The following DSCAM variants were observed in gnomAD, a reference collection of about 807,000 sequenced individuals.
DSCAM encodes the protein cell adhesion molecule DSCAM.
Under a neutral mutation model 217.7 loss-of-function variants are expected in DSCAM, and 47 were observed. That is an observed-to-expected ratio of 0.22 (90% CI 0.17 to 0.28). The LOEUF (loss-of-function observed/expected upper bound fraction) is 0.28. DSCAM is among the 10% of genes least tolerant of loss of function. The pLI, the probability that DSCAM is intolerant of heterozygous loss-of-function variation, is 1.00. For synonymous variants in DSCAM, 1,056 were observed against 1,015.3 expected (o/e 1.04, Z -0.76); for missense variants, 2,080 against 2,618.3 (o/e 0.79, Z 4.49).
intron 3 of DSCAM, among the ~76,000 whole-genome samples, chr21:40,613,912 A>G (rs565261648): frequency 6.6e-6 from 1 of 152,376 alleles, no homozygotes; most frequent in African/African-American, 2.4e-5. Context: ...TGGGATAATT[A>G]GAAAAGGAAT....
intron 32 of DSCAM, among the ~76,000 whole-genome samples, chr21:40,032,126 G>T (rs2088537503): frequency 1.3e-5 from 2 of 152,158 alleles, no homozygotes; most frequent in African/African-American, 4.8e-5. Context: ...CAGCTTCATG[G>T]CAGAACAAGG....
At position 40,480,151 on chromosome 21, in the gene DSCAM, C is replaced by T. The variant is rs76605536; in HGVS notation, c.509-110906G>A. Among the ~76,000 whole-genome samples the T allele has an allele frequency of 4.8e-3, 725 of 152,292 alleles. 7 individuals carry two copies. The highest frequency in any genetic ancestry group is 0.017 in the African/African-American group (687 of 41,562). ...GGTCAAACGCCATTTCTCTGGGAGTCCTTGTTCAAAGGCTGCTCCAGCCTC... is the reference window on the plus strand; with the variant it reads ...GGTCAAACGCCATTTCTCTGGGAGTTCTTGTTCAAAGGCTGCTCCAGCCTC... On this transcript the variant is annotated intron_variant, in intron 3 of 32. Coordinates refer to ENST00000400454, the MANE Select transcript of DSCAM (RefSeq NM_001389.5).
intron 3 of DSCAM, among the ~76,000 whole-genome samples, chr21:40,581,767 G>A (rs2837716): frequency 0.49 from 74,006 of 152,040 alleles, 18,298 homozygotes; most frequent in Admixed American, 0.56. Context: ...AAGGCATTGA[G>A]TTTGGTAATT....
chr21:40,565,187 G>A (rs532391122), intron 3 of DSCAM, among the ~76,000 whole-genome samples: 65 of 152,302 alleles, frequency 4.3e-4, no homozygotes, highest in Admixed American at 1.1e-3. Flanking sequence ...TGGCTACTGG[G>A]TGTCTATAGC....
intron 20 of DSCAM, among the ~76,000 whole-genome samples, chr21:40,120,914 G>C (rs988803902): frequency 6.6e-6 from 1 of 152,122 alleles, no homozygotes; most frequent in Non-Finnish European, 1.5e-5. Context: ...ATTTTAACAG[G>C]GTTCTTTCCC....
chr21:40,080,860 C>G (rs910678667), intron 24 of DSCAM, among the ~76,000 whole-genome samples: 8 of 152,208 alleles, frequency 5.3e-5, no homozygotes, highest in African/African-American at 1.9e-4. Context: ...ACTATTCTGA[C>G]AGTAACCTGG....
At chr21:40,838,650 A>C (rs1181682597) in intron 1 of DSCAM, among the ~76,000 whole-genome samples, 1 of 152,232 alleles carries the variant, frequency 6.6e-6, no homozygotes, top group Non-Finnish European at 1.5e-5. Context: ...CTGTTTCTTC[A>C]TTTTAATACT....
At chr21:40,366,890 C>T (rs566955836) in intron 4 of DSCAM, among the ~76,000 whole-genome samples, 2 of 152,198 alleles carry the variant, frequency 1.3e-5, no homozygotes, top group South Asian at 2.1e-4. Flanking sequence ...TAAGGCTGTG[C>T]GTGTTGTATT....
intron 3 of DSCAM, among the ~76,000 whole-genome samples, chr21:40,503,640 C>G (rs770254204): frequency 1.3e-5 from 2 of 152,172 alleles, no homozygotes; most frequent in Non-Finnish European, 2.9e-5. Flanking sequence ...CAAGAACTCT[C>G]AAACAAAAAT....
At chr21:40,356,109 G>A (rs1168797523) in intron 4 of DSCAM, among the ~76,000 whole-genome samples, 1 of 152,118 alleles carries the variant, frequency 6.6e-6, no homozygotes, top group Non-Finnish European at 1.5e-5. Context: ...ACATGGGAGT[G>A]CAGATATGTA....
intron 27 of DSCAM, among the ~76,000 whole-genome samples, chr21:40,067,415 A>C (rs2089222861): frequency 6.6e-6 from 1 of 152,164 alleles, no homozygotes; most frequent in Non-Finnish European, 1.5e-5. Context: ...CAGAACCCTA[A>C]AATGTTATCC....
At chr21:40,776,293 C>T (rs1312545337) in intron 1 of DSCAM, among the ~76,000 whole-genome samples, 1 of 151,988 alleles carries the variant, frequency 6.6e-6, no homozygotes, top group East Asian at 1.9e-4. Flanking sequence ...TTAGACTTTG[C>T]AAATTTTGAC....
intron 11 of DSCAM, among the ~76,000 whole-genome samples, chr21:40,202,113 G>A (rs916151496): frequency 2.6e-5 from 4 of 152,148 alleles, no homozygotes; most frequent in African/African-American, 9.7e-5. Flanking sequence ...ATACCCATGT[G>A]GCCTATGGAG....
At chr21:40,260,750 G>A (rs1375498297) in intron 11 of DSCAM, among the ~76,000 whole-genome samples, 4 of 152,164 alleles carry the variant, frequency 2.6e-5, no homozygotes, top group Non-Finnish European at 4.4e-5. Context: ...AGTGGCCCTT[G>A]ATGAAAGCAC....
intron 14 of DSCAM, among the ~76,000 whole-genome samples, chr21:40,185,481 G>A (rs1046228427): frequency 6.6e-6 from 1 of 152,206 alleles, no homozygotes; most frequent in African/African-American, 2.4e-5. Context: ...CCTCCATGAG[G>A]ACAGGGGAGG....
intron 3 of DSCAM, among the ~76,000 whole-genome samples, chr21:40,619,995 GAGAAAGAGAGAGAAAAAAGAA>G (rs2089460439): frequency 8.2e-6 from 1 of 121,870 alleles, no homozygotes; most frequent in Non-Finnish European, 1.7e-5. Flanking sequence ...GAAAGAGAGA[GAGAAAGAGAGAGAAAAAAGAA>G]AAAGAAAGAA....
chr21:40,386,556 T>A (rs979949941), intron 3 of DSCAM, among the ~76,000 whole-genome samples: 53 of 152,334 alleles, frequency 3.5e-4, no homozygotes, highest in African/African-American at 1.2e-3. Context: ...ACGCGTGGTG[T>A]GGGAACTGCA....
chr21:40,338,719 T>C (rs149278558), intron 7 of DSCAM, among the ~76,000 whole-genome samples: 142 of 152,300 alleles, frequency 9.3e-4, no homozygotes, highest in African/African-American at 3.3e-3. Context: ...AATTGATCAA[T>C]TGTTTAACTC....
At chr21:40,291,652 G>A (rs901143308) in intron 10 of DSCAM, among the ~76,000 whole-genome samples, 10 of 152,146 alleles carry the variant, frequency 6.6e-5, no homozygotes, top group African/African-American at 2.4e-4. Flanking sequence ...TCCCTCGGAG[G>A]ACAGGAGCAC....
Sources: allele counts gnomAD v4.1 joint callset (sites outside exome capture counted in the v4.1 genomes callset), GRCh38; gene constraint gnomAD v4.1.1; transcripts MANE v1.5; gene names NCBI Gene and HGNC (gene_info 2026-07-23, HGNC 2026-07-21).